WWOX: variants seen among roughly 807,000 people sequenced by gnomAD.
WWOX encodes the protein WW domain-containing oxidoreductase.
WWOX carries 69 observed loss-of-function variants against 46.2 expected under a neutral mutation model. That is an observed-to-expected ratio of 1.49 (90% CI 1.23 to 1.82). WWOX has a LOEUF of 1.82. Among genes scored for constraint, WWOX ranks in the 40% most tolerant of loss-of-function variants. The probability of loss-of-function intolerance (pLI) is 0.00; values close to 1 mark genes in which losing one functional copy is unlikely to be tolerated. For synonymous variants in WWOX, 359 were observed against 202.6 expected, an observed-to-expected ratio of 1.77 and a Z score of -6.56; for missense variants, 919 against 542.6, an observed-to-expected ratio of 1.69 and a Z score of -6.89.
At chr16:78,965,454 C>T (rs1480731716) in intron 8 of WWOX, among the ~76,000 whole-genome samples, 1 of 151,934 alleles carries the variant, frequency 6.6e-6, no homozygotes, top group South Asian at 2.1e-4. Flanking sequence ...CTTGTAATCC[C>T]AGCTACTTGG....
At chr16:79,170,832 C>T (rs1185144466) in intron 8 of WWOX, among the ~76,000 whole-genome samples, 1 of 152,076 alleles carries the variant, frequency 6.6e-6, no homozygotes, top group Non-Finnish European at 1.5e-5. Flanking sequence ...TGAGGTCTTT[C>T]CAGGTTTGAG....
intron 8 of WWOX, among the ~76,000 whole-genome samples, chr16:78,866,301 A>G (rs1236760323): frequency 6.6e-6 from 1 of 152,080 alleles, no homozygotes; most frequent in South Asian, 2.1e-4. Flanking sequence ...CCACGGTCAG[A>G]TTTCAAGTGG....
rs1326070038 is a variant in WWOX, at chr16:78,470,504, T to G, written c.1056+37752T>G. Among the ~76,000 whole-genome samples the G allele has an allele frequency of 4.6e-5, 7 of 152,018 alleles. No individual in the cohort carries two copies. In the East Asian group the frequency reaches 1.4e-3, roughly 29 times the overall value. On this transcript the variant is annotated intron_variant, in intron 8 of 8. Coordinates refer to ENST00000566780, the MANE Select transcript of WWOX (RefSeq NM_016373.4). ...GAAGCAAGACCCCACTCTTTTATTT[T>G]CATGTATGTATATATGTATGTATGC... is the stretch of plus-strand genomic sequence containing the variant.
intron 5 of WWOX, among the ~76,000 whole-genome samples, chr16:78,169,946 T>C (rs767427693): frequency 6.6e-6 from 1 of 152,104 alleles, no homozygotes; most frequent in Non-Finnish European, 1.5e-5. Flanking sequence ...CCAATAAGTG[T>C]TGTGAAACAT....
At chr16:78,248,705 C>T (rs1469773213) in intron 5 of WWOX, among the ~76,000 whole-genome samples, 1 of 152,018 alleles carries the variant, frequency 6.6e-6, no homozygotes, top group African/African-American at 2.4e-5. Context: ...CACTGTACTC[C>T]AGCCTGTGTA....
rs192092357 is a variant in WWOX, at chr16:78,804,837, C to T, written c.1056+372085C>T. ...AAAAAAATCCTGTTTATACCTTAGGCATTCTGTGATCCTTAGGATGTAGCC... is the reference window on the plus strand; with the variant it reads ...AAAAAAATCCTGTTTATACCTTAGGTATTCTGTGATCCTTAGGATGTAGCC... On this transcript the variant is annotated intron_variant, in intron 8 of 8. Transcript: ENST00000566780. 1.0e-3 allele frequency among the ~76,000 whole-genome samples: 156 copies of T among 152,350 alleles called. 1 individual carries two copies. Among genetic ancestry groups the T allele is most frequent in the African/African-American group, 3.6e-3 (150 of 41,590 alleles).
At chr16:78,940,717 A>G (rs2045835117) in intron 8 of WWOX, among the ~76,000 whole-genome samples, 1 of 140,662 alleles carries the variant, frequency 7.1e-6, no homozygotes, top group East Asian at 2.0e-4. Context: ...AAGCATATCT[A>G]CCCAGCGGGG....
At chr16:78,102,186 C>T (rs2031844425) in intron 1 of WWOX, among the ~76,000 whole-genome samples, 1 of 152,152 alleles carries the variant, frequency 6.6e-6, no homozygotes, top group Non-Finnish European at 1.5e-5. Context: ...ACTGGAATCA[C>T]AGGCCTGAGG....
intron 8 of WWOX, among the ~76,000 whole-genome samples, chr16:79,026,612 C>CTTTT (rs1324687983): frequency 1.6e-5 from 2 of 123,358 alleles, no homozygotes; most frequent in African/African-American, 6.4e-5. Flanking sequence ...ATGTGGTAGA[C>CTTTT]TCTTTTTTTT....
At chr16:78,180,562 C>A (rs2035499377) in intron 5 of WWOX, among the ~76,000 whole-genome samples, 1 of 151,956 alleles carries the variant, frequency 6.6e-6, no homozygotes, top group Non-Finnish European at 1.5e-5. Flanking sequence ...GTAAACCCAG[C>A]TGCACCTGAG....
At chr16:78,533,376 C>G (rs958482246) in intron 8 of WWOX, among the ~76,000 whole-genome samples, 15 of 151,420 alleles carry the variant, frequency 9.9e-5, no homozygotes, top group Non-Finnish European at 5.9e-5. Context: ...AAAGAATTGT[C>G]TTTGGCTGCA....
rs1270977130 is a variant in WWOX, at chr16:78,147,678, T to TTTTTTG, written c.410-16500_410-16499insGTTTTT. Among the ~76,000 whole-genome samples the TTTTTTG allele has an allele frequency of 9.5e-4, 96 of 101,046 alleles. 1 individual carries two copies. Among genetic ancestry groups the TTTTTTG allele is most frequent in the Admixed American group, 1.5e-3 (16 of 10,426 alleles). The allele number at this position is 101,046 out of a possible 152,430, so 66.3% of individuals were successfully genotyped here. On this transcript the variant is annotated intron_variant, in intron 4 of 8. Transcript: ENST00000566780. ...GAATTTTTCTTTTTCTTTCTTCCTT[T>TTTTTTG]TTTTTTTTTTTTTTTTTTAAAAAAA...
rs569834638 is a variant in WWOX at position 78,942,398 on chromosome 16, C to G, written c.1057-269210C>G. On this transcript the variant is annotated intron_variant, in intron 8 of 8. Transcript: ENST00000566780. ...TATTTGATACTCTCTTTTGCACTCTCGGGAGCAGTTTTGAGGACACACTGT... is the reference window on the plus strand; with the variant it reads ...TATTTGATACTCTCTTTTGCACTCTGGGGAGCAGTTTTGAGGACACACTGT... 2.0e-5 allele frequency among the ~76,000 whole-genome samples: 3 copies of G among 152,220 alleles called. No homozygotes were observed. In the East Asian group the frequency reaches 5.8e-4, roughly 29 times the overall value.
chr16:78,759,158 G>A (rs1039143814), intron 8 of WWOX, among the ~76,000 whole-genome samples: 3 of 152,136 alleles, frequency 2.0e-5, no homozygotes, highest in Non-Finnish European at 4.4e-5. Context: ...GAAGTTATAT[G>A]TGGTGCTTAG....
At chr16:79,025,475 A>G (rs1008737384) in intron 8 of WWOX, among the ~76,000 whole-genome samples, 2 of 152,140 alleles carry the variant, frequency 1.3e-5, no homozygotes, top group Admixed American at 6.5e-5. Flanking sequence ...GGCACAGAAG[A>G]GAAGGCGGTG....
At chr16:78,405,561 A>G (rs1038324481) in intron 6 of WWOX, among the ~76,000 whole-genome samples, 12 of 152,216 alleles carry the variant, frequency 7.9e-5, no homozygotes, top group African/African-American at 2.4e-4. Flanking sequence ...TACCAGACAT[A>G]TTGAGTAAGG....
intron 8 of WWOX, among the ~76,000 whole-genome samples, chr16:79,183,342 G>C (rs1424434438): frequency 6.6e-6 from 1 of 152,216 alleles, no homozygotes; most frequent in East Asian, 1.9e-4. Context: ...AAAATGAGAG[G>C]AGGGAGGGAC....
intron 8 of WWOX, among the ~76,000 whole-genome samples, chr16:78,973,992 T>G (rs944613908): frequency 3.9e-5 from 6 of 152,248 alleles, no homozygotes; most frequent in Admixed American, 2.0e-4. Flanking sequence ...TAGTCAGCTT[T>G]CTTTTCCCTA....
intron 8 of WWOX, among the ~76,000 whole-genome samples, chr16:78,594,711 C>G (rs113800927): frequency 3.3e-4 from 50 of 152,088 alleles, no homozygotes; most frequent in African/African-American, 1.2e-3. Context: ...TCTCCTTTGT[C>G]CCTTTTTATA....
Sources: gnomAD v4.1 joint callset for allele counts (sites outside exome capture counted in the v4.1 genomes callset) on GRCh38, gnomAD v4.1.1 for gene constraint, MANE v1.5 for transcripts, NCBI Gene and HGNC (gene_info 2026-07-23, HGNC 2026-07-21) for gene names.